Variants in DENND1A observed in about 807,000 individuals in gnomAD.
DENND1A encodes the protein DENN domain-containing protein 1A.
DENND1A carries 51 observed loss-of-function variants against 113.7 expected under a neutral mutation model. That is an observed-to-expected ratio of 0.45 (90% CI 0.36 to 0.57). DENND1A has a LOEUF of 0.57. Ranked by LOEUF, DENND1A falls within the 20% of genes least tolerant of loss-of-function variation. The pLI is 0.00. For synonymous variants in DENND1A, 565 were observed against 570.8 expected, an observed-to-expected ratio of 0.99 and a Z score of 0.14; for missense variants, 1,258 against 1,395.9, an observed-to-expected ratio of 0.90 and a Z score of 1.57.
intron 13 of DENND1A, among the ~76,000 whole-genome samples, chr9:123,499,110 T>C (rs2052226203): frequency 6.6e-6 from 1 of 151,952 alleles, no homozygotes; most frequent in Admixed American, 6.6e-5. Context: ...CTTGGCTCAC[T>C]GCAAGCTCCA....
At chr9:123,730,698 C>T (rs1174597299) in intron 5 of DENND1A, among the ~76,000 whole-genome samples, 3 of 152,142 alleles carry the variant, frequency 2.0e-5, no homozygotes, top group Non-Finnish European at 2.9e-5. Context: ...GACAGTGTGG[C>T]GATTCCTCAA....
At chr9:123,535,050 A>G (rs2055627959) in intron 13 of DENND1A, among the ~76,000 whole-genome samples, 1 of 152,136 alleles carries the variant, frequency 6.6e-6, no homozygotes, top group Non-Finnish European at 1.5e-5. Flanking sequence ...CGAACACATC[A>G]GCAAATCCTG....
At chr9:123,495,882 A>G (rs2051869872) in intron 13 of DENND1A, among the ~76,000 whole-genome samples, 1 of 152,228 alleles carries the variant, frequency 6.6e-6, no homozygotes, top group South Asian at 2.1e-4. Context: ...CATTCTAGTA[A>G]TTAGCTGTCA....
intron 12 of DENND1A, among the ~76,000 whole-genome samples, chr9:123,560,076 T>C (rs2057652324): frequency 6.6e-6 from 1 of 152,250 alleles, no homozygotes; most frequent in South Asian, 2.1e-4. Flanking sequence ...CCACATTTTA[T>C]CGATCTGTTC....
chr9:123,664,885 C>G (rs2063420427), intron 8 of DENND1A, among the ~76,000 whole-genome samples: 2 of 152,102 alleles, frequency 1.3e-5, no homozygotes, highest in Admixed American at 6.6e-5. Flanking sequence ...CCTTCAGTAG[C>G]CTCCTTCATA....
At chr9:123,895,555 G>A (rs1480848175) in intron 1 of DENND1A, among the ~76,000 whole-genome samples, 1 of 151,548 alleles carries the variant, frequency 6.6e-6, no homozygotes, top group Non-Finnish European at 1.5e-5. Flanking sequence ...CCAGGAGGTG[G>A]AGGTGGCACT....
chr9:123,889,974 C>A (rs992508466), intron 1 of DENND1A, among the ~76,000 whole-genome samples: 1 of 150,726 alleles, frequency 6.6e-6, no homozygotes, highest in Non-Finnish European at 1.5e-5. Flanking sequence ...ACTCCATCTT[C>A]GGGAAAAAAA....
intron 21 of DENND1A, among the ~76,000 whole-genome samples, chr9:123,397,331 G>A (rs1178814158): frequency 6.6e-6 from 1 of 152,122 alleles, no homozygotes; most frequent in Non-Finnish European, 1.5e-5. Context: ...ATTTTTGTAT[G>A]TTTAGTAGAG....
intron 1 of DENND1A, among the ~76,000 whole-genome samples, chr9:123,929,505 C>T (rs1857646725): frequency 6.6e-6 from 1 of 152,196 alleles, no homozygotes; most frequent in South Asian, 2.1e-4. Context: ...TCCGGACCTG[C>T]CAACTTTCAG....
chr9:123,892,977 G>A (rs747058425), intron 1 of DENND1A, among the ~76,000 whole-genome samples: 26 of 151,882 alleles, frequency 1.7e-4, no homozygotes, highest in South Asian at 4.1e-4. Flanking sequence ...GTGAGATGCC[G>A]TCTCAAAAAT....
chr9:123,401,341 T>TG (rs920280418), intron 21 of DENND1A: 39 of 267,914 alleles, frequency 1.5e-4, no homozygotes, highest in African/African-American at 6.6e-4. Flanking sequence ...CGGAGCACAG[T>TG]GGGGGGGTGG....
chr9:123,718,903 A>T (rs1375039353), intron 5 of DENND1A, among the ~76,000 whole-genome samples: 1 of 152,142 alleles, frequency 6.6e-6, no homozygotes, highest in Non-Finnish European at 1.5e-5. Context: ...CATAATTCCC[A>T]CATGTTGTGG....
chr9:123,605,401 A>C (rs949729390), intron 11 of DENND1A, among the ~76,000 whole-genome samples: 12 of 152,290 alleles, frequency 7.9e-5, no homozygotes, highest in Middle Eastern at 3.4e-3. Context: ...GGCTGCATAA[A>C]TGTCTCTTGA....
intron 5 of DENND1A, among the ~76,000 whole-genome samples, chr9:123,691,342 GGGCTGT>G (rs2140399111): frequency 6.6e-6 from 1 of 152,278 alleles, no homozygotes; most frequent in Non-Finnish European, 1.5e-5. Context: ...GGTGGGCAAA[GGGCTGT>G]GGCAGCACCA....
At chr9:123,831,253 TAC>T (rs892332289) in intron 2 of DENND1A, among the ~76,000 whole-genome samples, 1 of 152,174 alleles carries the variant, frequency 6.6e-6, no homozygotes, top group African/African-American at 2.4e-5. Context: ...GCAAGACTTA[TAC>T]ACGAATATCT....
intron 19 of DENND1A, among the ~76,000 whole-genome samples, chr9:123,428,580 G>A (rs189412637): frequency 6.6e-6 from 1 of 152,224 alleles, no homozygotes; most frequent in Non-Finnish European, 1.5e-5. Context: ...AGAAATAAAG[G>A]GCATTCAAAT....
intron 5 of DENND1A, among the ~76,000 whole-genome samples, chr9:123,738,574 T>G (rs2068752276): frequency 6.6e-6 from 1 of 152,130 alleles, no homozygotes; most frequent in South Asian, 2.1e-4. Context: ...CACCATTCAT[T>G]GGCTATGTAA....
chr9:123,523,615 T>C (rs1205896460), intron 13 of DENND1A, among the ~76,000 whole-genome samples: 1 of 152,120 alleles, frequency 6.6e-6, no homozygotes, highest in Admixed American at 6.6e-5. Context: ...TTAACCTATT[T>C]CTCATGAAAA....
chr9:123,430,204 T>C (rs895741969), intron 19 of DENND1A, among the ~76,000 whole-genome samples: 1 of 151,854 alleles, frequency 6.6e-6, no homozygotes, highest in Non-Finnish European at 1.5e-5. Context: ...GCTGGAGAGG[T>C]TGTAGAGAAA....
Sources: gnomAD v4.1 joint callset for allele counts (sites outside exome capture counted in the v4.1 genomes callset) on GRCh38, gnomAD v4.1.1 for gene constraint, MANE v1.5 for transcripts, NCBI Gene and HGNC (gene_info 2026-07-23, HGNC 2026-07-21) for gene names.